The following BLNK variants were observed in gnomAD, a reference collection of about 807,000 sequenced individuals.
The protein encoded by BLNK is B-cell linker protein.
Under a neutral mutation model 73.5 loss-of-function variants are expected in BLNK, and 29 were observed. The ratio of observed to expected loss-of-function variants is 0.39; its 90% CI spans 0.29 to 0.54. The LOEUF is 0.54. Ranked by LOEUF, BLNK falls within the 20% of genes least tolerant of loss-of-function variation. The pLI is 0.61. For synonymous variants in BLNK, 176 were observed against 200.8 expected, an observed-to-expected ratio of 0.88 and a Z score of 1.04; for missense variants, 460 against 562.8, an observed-to-expected ratio of 0.82 and a Z score of 1.85.
At chr10:96,251,346 T>G (rs1385323265) in intron 1 of BLNK, among the ~76,000 whole-genome samples, 1 of 152,234 alleles carries the variant, frequency 6.6e-6, no homozygotes, top group African/African-American at 2.4e-5. Flanking sequence ...TGCTTTTTGC[T>G]CCTTATTACA....
intron 16 of BLNK, among the ~76,000 whole-genome samples, chr10:96,195,912 T>C (rs2083454055): frequency 6.6e-6 from 1 of 152,216 alleles, no homozygotes; most frequent in Admixed American, 6.5e-5. Flanking sequence ...ATCAATTCAG[T>C]TGCTTAATAA....
chr10:96,243,149 T>C (rs1842931996), intron 2 of BLNK, among the ~76,000 whole-genome samples: 1 of 152,148 alleles, frequency 6.6e-6, no homozygotes, highest in African/African-American at 2.4e-5. Flanking sequence ...TAAGATAAGA[T>C]GGACTATATT....
chr10:96,270,350 C>T (rs905245047), intron 1 of BLNK, among the ~76,000 whole-genome samples: 2 of 152,174 alleles, frequency 1.3e-5, no homozygotes, highest in South Asian at 2.1e-4. Context: ...TCTGTGATTA[C>T]TTGTCTGCTA....
At chr10:96,197,186 T>C in intron 15 of BLNK, 123 bp from the exon 16 acceptor site, 1 of 698,458 alleles carries the variant, frequency 1.4e-6, no homozygotes, top group Non-Finnish European at 2.3e-6. Context: ...TTAGCTACAT[T>C]ATTTTTATTA....
rs1186295375 is a variant in BLNK, at chr10:96,262,186, AT to A, written c.47+9165del. Among the ~76,000 whole-genome samples the A allele has an allele frequency of 2.6e-4, 39 of 152,302 alleles. No individual in the cohort carries two copies. The Middle Eastern group carries it at 0.014, about 53-fold the overall frequency. On this transcript the variant is annotated intron_variant, in intron 1 of 16. Transcript: ENST00000224337. Reference sequence around the variant, plus strand: ...TTGGTCTGAGTTGGTTATCAGATAAATGAGTCCTGCGTGGGTGCTAGTGACA... The same window carrying A: ...TTGGTCTGAGTTGGTTATCAGATAAAGAGTCCTGCGTGGGTGCTAGTGACA...
chr10:96,196,843 C>T, intron 16 of BLNK, 65 bp downstream of exon 16: 3 of 1,482,300 alleles, frequency 2.0e-6, no homozygotes, highest in Non-Finnish European at 2.8e-6. Flanking sequence ...GCATCTAATA[C>T]AGTATTTGAT....
chr10:96,215,091 G>C (rs781970323), intron 8 of BLNK, among the ~76,000 whole-genome samples: 4 of 152,174 alleles, frequency 2.6e-5, no homozygotes, highest in Non-Finnish European at 5.9e-5. Flanking sequence ...AGCCAGCAAG[G>C]TGCCCAGGAA....
intron 1 of BLNK, among the ~76,000 whole-genome samples, chr10:96,262,964 G>A (rs1454085102): frequency 1.3e-5 from 2 of 152,214 alleles, no homozygotes; most frequent in Non-Finnish European, 2.9e-5. Flanking sequence ...TGGCCTCTCT[G>A]GGCCTCACCT....
intron 1 of BLNK, among the ~76,000 whole-genome samples, chr10:96,271,133 T>C (rs1234667980): frequency 2.6e-5 from 4 of 152,190 alleles, no homozygotes; most frequent in African/African-American, 9.7e-5. Flanking sequence ...AAAGCAAGTC[T>C]CTCTTGTTCC....
At chr10:96,220,987 TA>T (rs1447016819) in intron 6 of BLNK, among the ~76,000 whole-genome samples, 1 of 152,236 alleles carries the variant, frequency 6.6e-6, no homozygotes, top group Non-Finnish European at 1.5e-5. Context: ...GATTAGCTAT[TA>T]AATGCCCACA....
rs782190491 is a variant in BLNK, at chr10:96,200,113, G to A, written c.1057C>T (p.Arg353Ter). The change falls in exon 15 of 17, where the codon CGA becomes TGA. Residue 353 changes from arginine (R) to a stop codon, truncating the protein, a stop_gained. Coordinates refer to ENST00000224337, the MANE Select transcript of BLNK (RefSeq NM_013314.4). LOFTEE classifies it high-confidence loss of function. The surrounding 1 kb of genome is among the most constrained non-coding windows in gnomAD (Gnocchi z 4.3). ...TGCAATGCCTCTTCAGCAGACTTTCGATCACAGGCTCCAGCATACCATGGC... is the reference window on the plus strand; with the variant it reads ...TGCAATGCCTCTTCAGCAGACTTTCAATCACAGGCTCCAGCATACCATGGC... ...CKPWYAGACD[R>*]KSAEEALHRS... The A allele has an allele frequency of 5.6e-6, 9 of 1,613,936 alleles. No individual in the cohort carries two copies. The highest frequency in any genetic ancestry group is 6.8e-6 in the Non-Finnish European group (8 of 1,179,978).
At chr10:96,225,087 AGT>A (rs1214286847) in intron 5 of BLNK, among the ~76,000 whole-genome samples, 56 of 152,318 alleles carry the variant, frequency 3.7e-4, no homozygotes, top group African/African-American at 1.2e-3. Context: ...CAGTAGGTAC[AGT>A]GTGTCTGCCT....
rs1408553273 is a variant in BLNK, at chr10:96,209,857, A to C, written c.727T>G (p.Ser243Ala). The change falls in exon 9 of 17, where the codon TCC becomes GCC. Residue 243 changes from serine to alanine, a missense_variant. Ser to Ala is a moderately conservative substitution (Grantham distance 99). This residue lies in a region of BLNK where 233 missense variants were observed against 232.1 expected (regional missense o/e 1.00). Coordinates refer to ENST00000224337, the MANE Select transcript of BLNK (RefSeq NM_013314.4). Reference protein sequence around the residue: ...ETKSPPPAAPSPLPRAGKKPT... With the variant: ...ETKSPPPAAPAPLPRAGKKPT... ...ACTTACCCGGCCCGTGGCAACGGGG[A>C]TGGTGCAGCTGGTGGAGGTGACTTG... 1.2e-5 allele frequency: 19 copies of C among 1,614,080 alleles called. 1 individual carries two copies. Among genetic ancestry groups the C allele is most frequent in the Non-Finnish European group, 1.4e-5 (17 of 1,180,036 alleles).
intron 12 of BLNK, 88 bp from the exon 13 acceptor site, chr10:96,204,176 G>A: frequency 7.3e-7 from 1 of 1,364,180 alleles, no homozygotes; most frequent in Non-Finnish European, 1.0e-6. Context: ...GCTGTGAACA[G>A]GCACATCACA....
intron 11 of BLNK, 121 bp from the exon 12 acceptor site, chr10:96,204,737 A>G: frequency 3.6e-6 from 3 of 833,620 alleles, no homozygotes; most frequent in Admixed American, 4.0e-5. Flanking sequence ...AACATGTCTT[A>G]GTTACTGAGA....
rs2083329977 is a variant in BLNK at position 96,191,546 on chromosome 10, A to C, written c.*427T>G. Among the ~76,000 whole-genome samples, 2 of 152,130 alleles carry C rather than the reference A, an allele frequency of 1.3e-5. No individual in the cohort carries two copies. Among genetic ancestry groups the C allele is most frequent in the African/African-American group, 4.8e-5 (2 of 41,434 alleles). On this transcript the variant is annotated 3_prime_UTR_variant, in exon 17 of 17. Transcript: ENST00000224337. ...ACCTTTAATACCTTATTTTCTACAA[A>C]TTAAAATTTTAACCAAGACTTAATT...
At chr10:96,230,313 A>G (rs1342003863) in intron 4 of BLNK, among the ~76,000 whole-genome samples, 1 of 152,082 alleles carries the variant, frequency 6.6e-6, no homozygotes, top group Admixed American at 6.5e-5. Context: ...CTGGGTCTGA[A>G]TTGTGGAACT....
rs1250547442 is a variant in BLNK at position 96,189,495 on chromosome 10, T to C, written c.*2478A>G. On this transcript the variant is annotated 3_prime_UTR_variant, in exon 17 of 17. Transcript: ENST00000224337. The stretch of plus-strand genomic sequence containing the variant: ...ACCTTTTTCTATACTTGCTTGCATT[T>C]TTGATTTAATGTCTTCTACAGAACT... The C allele has an allele frequency of 3.0e-5, 19 of 635,592 alleles. No homozygotes were observed. In the Admixed American group the frequency reaches 3.6e-4, roughly 12 times the overall value. 39.4% of individuals were successfully genotyped at this position (635,592 alleles called of 1,614,324 possible).
chr10:96,190,887 T>C lies in BLNK; in HGVS notation c.*1086A>G, dbSNP rs181115268. Among the ~76,000 whole-genome samples the C allele has an allele frequency of 6.6e-6, 1 of 152,210 alleles. No individual in the cohort carries two copies. Among genetic ancestry groups the C allele is most frequent in the Non-Finnish European group, 1.5e-5 (1 of 68,040 alleles). ...TTTTCTGCTCTTGTTTTGTGGGATA[T>C]TTCTCTAGGAACTGGCTTTTAGTCT... On this transcript the variant is annotated 3_prime_UTR_variant, in exon 17 of 17. Transcript: ENST00000224337.
Sources: gnomAD v4.1 joint callset for allele counts (sites outside exome capture counted in the v4.1 genomes callset) on GRCh38, gnomAD v4.1.1 for gene constraint, gnomAD v4.1.1 regional missense constraint, Gnocchi (gnomAD v3.1) non-coding constraint, MANE v1.5 for transcripts, NCBI Gene and HGNC (gene_info 2026-07-23, HGNC 2026-07-21) for gene names.